Variants in FBXL13 observed in about 807,000 individuals in gnomAD.
FBXL13 encodes the protein F-box and leucine-rich repeat protein 13.
Under a neutral mutation model 83.6 loss-of-function variants are expected in FBXL13, and 67 were observed. That is an observed-to-expected ratio of 0.80 (90% CI 0.66 to 0.98). FBXL13 has a LOEUF of 0.98. FBXL13 is among the 50% of genes least tolerant of loss of function. FBXL13 has a pLI of 0.00. For missense variants in FBXL13, 822 were observed against 866.5 expected (o/e 0.95, Z 0.64); for synonymous variants, 272 against 299.5 (o/e 0.91, Z 0.95).
intron 6 of FBXL13, among the ~76,000 whole-genome samples, chr7:102,982,984 A>T (rs1019188663): frequency 6.6e-6 from 1 of 152,070 alleles, no homozygotes; most frequent in Admixed American, 6.6e-5. Flanking sequence ...CCATTTCCAC[A>T]TATTTTTCAG....
At chr7:102,819,557 T>A (rs1364131746) in intron 19 of FBXL13, among the ~76,000 whole-genome samples, 2 of 152,220 alleles carry the variant, frequency 1.3e-5, no homozygotes, top group Admixed American at 6.5e-5. Context: ...AATTTATGTA[T>A]AAAACAGCCT....
chr7:102,878,282 T>G, intron 15 of FBXL13, 49 bp downstream of exon 16: 1 of 1,477,178 alleles, frequency 6.8e-7, no homozygotes, highest in Non-Finnish European at 9.0e-7. Flanking sequence ...TCTCCTATTA[T>G]CAAATATACA....
chr7:102,978,127 C>T (rs1650277596), intron 6 of FBXL13, among the ~76,000 whole-genome samples: 1 of 152,118 alleles, frequency 6.6e-6, no homozygotes, highest in African/African-American at 2.4e-5. Context: ...AAAGAAACTA[C>T]AATTAACTGC....
At chr7:103,030,976 G>A (rs1320088224) in intron 2 of FBXL13, 5 of 152,026 alleles carry the variant, frequency 3.3e-5, no homozygotes, top group African/African-American at 1.2e-4. Context: ...GAGCGAGGGA[G>A]GGGAAAGGAA....
intron 7 of FBXL13, among the ~76,000 whole-genome samples, chr7:102,964,264 T>C (rs1231888452): frequency 6.6e-6 from 1 of 151,306 alleles, no homozygotes; most frequent in Non-Finnish European, 1.5e-5. Flanking sequence ...TGAGCTGAGA[T>C]TGTGCCACTG....
intron 18 of FBXL13, chr7:102,827,275 C>T: frequency 2.9e-6 from 1 of 346,532 alleles, no homozygotes; most frequent in Non-Finnish European, 6.4e-6. Flanking sequence ...CCAACCAGCT[C>T]TAAGGGGAGT....
chr7:103,050,361 T>C (rs1796684725), intron 2 of FBXL13, among the ~76,000 whole-genome samples: 3 of 152,210 alleles, frequency 2.0e-5, no homozygotes, highest in Admixed American at 2.0e-4. Flanking sequence ...CGTCCCAGCT[T>C]GCCACACCAT....
intron 6 of FBXL13, among the ~76,000 whole-genome samples, chr7:103,023,151 C>CT (rs1181060223): frequency 3.3e-5 from 5 of 152,152 alleles, no homozygotes; most frequent in Non-Finnish European, 1.5e-5. Context: ...TGGCGGGCAC[C>CT]TGTGGTCCCA....
intron 6 of FBXL13, among the ~76,000 whole-genome samples, chr7:102,998,650 G>A (rs1042084551): frequency 3.3e-5 from 5 of 151,764 alleles, no homozygotes; most frequent in African/African-American, 4.8e-5. Flanking sequence ...ACAGTTTTTT[G>A]GTGGAGTCTT....
intron 18 of FBXL13, among the ~76,000 whole-genome samples, chr7:102,829,737 G>A (rs1800326146): frequency 6.6e-6 from 1 of 152,182 alleles, no homozygotes. Context: ...GGAAAAGCCG[G>A]CCTTTCTGGG....
At chr7:102,927,853 G>A (rs1818428910) in intron 9 of FBXL13, among the ~76,000 whole-genome samples, 1 of 152,204 alleles carries the variant, frequency 6.6e-6, no homozygotes, top group Non-Finnish European at 1.5e-5. Flanking sequence ...GTGTGGCACT[G>A]TATTTCAACA....
At chr7:102,948,351 G>A (rs1034957206) in intron 8 of FBXL13, among the ~76,000 whole-genome samples, 1 of 151,906 alleles carries the variant, frequency 6.6e-6, no homozygotes, top group African/African-American at 2.4e-5. Context: ...GGACCACTGC[G>A]CCCGGCCAGT....
intron 11 of FBXL13, among the ~76,000 whole-genome samples, chr7:102,894,344 T>C (rs1449165718): frequency 6.6e-6 from 1 of 152,228 alleles, no homozygotes; most frequent in Non-Finnish European, 1.5e-5. Context: ...TATTACTGCA[T>C]TGAGTATTAT....
At chr7:103,038,225 C>T (rs552186784) in intron 2 of FBXL13, among the ~76,000 whole-genome samples, 1 of 152,338 alleles carries the variant, frequency 6.6e-6, no homozygotes, top group East Asian at 1.9e-4. Flanking sequence ...TGAGATCGAC[C>T]TGCGACACTG....
intron 6 of FBXL13, among the ~76,000 whole-genome samples, chr7:102,989,662 C>A (rs1829358459): frequency 6.6e-6 from 1 of 152,220 alleles, no homozygotes; most frequent in Non-Finnish European, 1.5e-5. Context: ...GCGAGTCTAT[C>A]TGATTCAGGG....
chr7:102,838,914 C>A (rs531543213), intron 17 of FBXL13, among the ~76,000 whole-genome samples: 1 of 152,246 alleles, frequency 6.6e-6, no homozygotes, highest in East Asian at 1.9e-4. Context: ...GGGATGGTCC[C>A]CCAGCCCGAC....
At chr7:102,934,412 T>C (rs760858609) in intron 8 of FBXL13, 1 of 1,614,232 alleles carries the variant, frequency 6.2e-7, no homozygotes, top group East Asian at 2.2e-5. Context: ...CCCCTGGCAC[T>C]GTACTTGTGA....
At chr7:102,843,600 C>T (rs1803385739) in intron 17 of FBXL13, among the ~76,000 whole-genome samples, 1 of 152,022 alleles carries the variant, frequency 6.6e-6, no homozygotes, top group Non-Finnish European at 1.5e-5. Flanking sequence ...CGTGGCGAAA[C>T]CCCGTCTCTA....
chr7:103,038,386 A>G (rs1228651358), intron 2 of FBXL13, among the ~76,000 whole-genome samples: 1 of 152,252 alleles, frequency 6.6e-6, no homozygotes, highest in African/African-American at 2.4e-5. Flanking sequence ...GGGACAGGGC[A>G]TAGTAGAACA....
Sources: gnomAD v4.1 joint callset for allele counts (sites outside exome capture counted in the v4.1 genomes callset) on GRCh38, gnomAD v4.1.1 for gene constraint, MANE v1.5 for transcripts, NCBI Gene and HGNC (gene_info 2026-07-23, HGNC 2026-07-21) for gene names.